The following DUSP13B variants were observed in gnomAD, a reference collection of about 807,000 sequenced individuals.
The protein encoded by DUSP13B is dual specificity protein phosphatase 13B.
At chr10:75,109,173 C>A in the DUSP13B span, 1 of 1,557,668 alleles carries the variant, frequency 6.4e-7, no homozygotes, top group Non-Finnish European at 8.7e-7. Flanking sequence ...AGCCCGCCCA[C>A]CCCTCTGCCT....
At chr10:75,104,239 G>A in the DUSP13B span, 1 of 455,686 alleles carries the variant, frequency 2.2e-6, no homozygotes, top group Non-Finnish European at 3.8e-6. Context: ...GAGTGCAGCT[G>A]CTGGGAGAGA....
chr10:75,105,917 C>T, the DUSP13B span: 5 of 1,521,080 alleles, frequency 3.3e-6, no homozygotes, highest in Non-Finnish European at 4.4e-6. Context: ...ACCGGCCCAC[C>T]CACGGGCTGG....
chr10:75,105,975 T>A, the DUSP13B span: 1 of 1,039,152 alleles, frequency 9.6e-7, no homozygotes, highest in Non-Finnish European at 1.4e-6. Flanking sequence ...GTGCACTCTG[T>A]GATCCTGAGC....
the DUSP13B span, chr10:75,107,871 A>C: frequency 2.5e-6 from 3 of 1,220,620 alleles, no homozygotes; most frequent in African/African-American, 4.6e-5. Flanking sequence ...GCCACCACAC[A>C]CGGCCTAAGC....
At chr10:75,108,391 G>T in the DUSP13B span, 1 of 1,149,650 alleles carries the variant, frequency 8.7e-7, no homozygotes, top group Non-Finnish European at 1.2e-6. Flanking sequence ...CTTTCTGGTG[G>T]CTGAGCCGGC....
the DUSP13B span, among the ~76,000 whole-genome samples, chr10:75,107,313 C>T: frequency 1.3e-5 from 2 of 150,802 alleles, no homozygotes; most frequent in Admixed American, 1.3e-4. Flanking sequence ...CGCCACTGCA[C>T]TCCAGCTTGG....
chr10:75,094,777 G>A, the DUSP13B span: 1 of 1,614,168 alleles, frequency 6.2e-7, no homozygotes, highest in South Asian at 1.1e-5. Context: ...TGCACCGTCT[G>A]GATGGCCTCT....
At chr10:75,098,923 C>T in the DUSP13B span, 1 of 1,199,710 alleles carries the variant, frequency 8.3e-7, no homozygotes, top group Non-Finnish European at 1.0e-6. Context: ...TTTCAGTTAC[C>T]ATCTTTGGGG....
chr10:75,108,041 G>A, the DUSP13B span: 2 of 1,613,860 alleles, frequency 1.2e-6, no homozygotes, highest in South Asian at 1.1e-5. Flanking sequence ...CAGAGGAGAA[G>A]TAGGCACTGA....
At chr10:75,101,847 A>G in the DUSP13B span, 57 of 1,362,806 alleles carry the variant, frequency 4.2e-5, 1 homozygote, top group East Asian at 7.3e-4. Flanking sequence ...ACCCCCCCCA[A>G]ATTAGGAGCA....
At chr10:75,108,106 C>G in the DUSP13B span, 1 of 1,613,724 alleles carries the variant, frequency 6.2e-7, no homozygotes, top group South Asian at 1.1e-5. Flanking sequence ...ACACTGCTGC[C>G]GTAGAAGTCA....
chr10:75,095,575 C>T, the DUSP13B span: 2 of 1,613,678 alleles, frequency 1.2e-6, no homozygotes, highest in Non-Finnish European at 1.7e-6. Flanking sequence ...AGAAGTGCAC[C>T]TTGGGGAACA....
the DUSP13B span, chr10:75,107,908 G>A: frequency 3.5e-6 from 5 of 1,428,774 alleles, no homozygotes; most frequent in Non-Finnish European, 4.8e-6. Context: ...GCAGGGATGG[G>A]AGGGCACTGA....
At chr10:75,100,423 C>A in the DUSP13B span, among the ~76,000 whole-genome samples, 3 of 152,288 alleles carry the variant, frequency 2.0e-5, no homozygotes, top group African/African-American at 4.8e-5. Context: ...CCGGCCACCC[C>A]CCCAGGGACT....
chr10:75,109,104 G>A, the DUSP13B span: 106 of 1,611,868 alleles, frequency 6.6e-5, 1 homozygote, highest in Non-Finnish European at 1.6e-5. Context: ...GGATGCTGGG[G>A]CAAGGCGTGG....
chr10:75,109,169 C>T, the DUSP13B span: 3 of 1,566,384 alleles, frequency 1.9e-6, no homozygotes, highest in South Asian at 2.3e-5. Flanking sequence ...GGCCAGCCCG[C>T]CCACCCCTCT....
At chr10:75,098,886 G>T in the DUSP13B span, 2 of 980,686 alleles carry the variant, frequency 2.0e-6, no homozygotes, top group Non-Finnish European at 2.6e-6. Context: ...GAGTAGCAAG[G>T]CTGGGGTTTT....
At chr10:75,099,787 A>T in the DUSP13B span, 1 of 197,896 alleles carries the variant, frequency 5.1e-6, no homozygotes, top group Admixed American at 6.1e-5. Context: ...ACTCTGCCAT[A>T]ACTCATTCTG....
the DUSP13B span, chr10:75,094,575 T>TA: frequency 3.0e-6 from 4 of 1,336,512 alleles, no homozygotes; most frequent in African/African-American, 1.5e-5. Context: ...CCCCACTTGC[T>TA]GTTTACATCT....
Sources: gnomAD v4.1 joint callset for allele counts (sites outside exome capture counted in the v4.1 genomes callset) on GRCh38, gnomAD v4.1.1 for gene constraint, MANE v1.5 for transcripts, NCBI Gene and HGNC (gene_info 2026-07-23, HGNC 2026-07-21) for gene names.